The following MEGF6 variants were observed in gnomAD, a reference collection of about 807,000 sequenced individuals.
MEGF6 encodes the protein multiple epidermal growth factor-like domains protein 6.
In MEGF6, 184 loss-of-function variants were observed where a neutral mutation model predicts 207.1. The observed-to-expected ratio is 0.89, with a 90% CI of 0.79 to 1.00. The LOEUF is 1.00. Ranked by LOEUF, MEGF6 falls within the 50% of genes least tolerant of loss-of-function variation. MEGF6 has a pLI of 0.00. For synonymous variants in MEGF6, 1,038 were observed against 910.0 expected (o/e 1.14, Z -2.53); for missense variants, 2,282 against 2,202.9 (o/e 1.04, Z -0.72).
At chr1:3,550,294 G>A (rs1642842696) in intron 4 of MEGF6, among the ~76,000 whole-genome samples, 1 of 152,210 alleles carries the variant, frequency 6.6e-6, no homozygotes, top group South Asian at 2.1e-4. Flanking sequence ...ACCAGCGGGT[G>A]ATGAAGACAG....
At chr1:3,619,872 T>G in the MEGF6 span, among the ~76,000 whole-genome samples, 6 of 152,100 alleles carry the variant, frequency 3.9e-5, no homozygotes, top group Admixed American at 3.9e-4. Context: ...TTGGAACAGT[T>G]TGGAGGGCTC....
chr1:3,490,642 A>T, intron 36 of MEGF6, 53 bp from the exon 37 acceptor site: 1 of 1,587,668 alleles, frequency 6.3e-7, no homozygotes, highest in South Asian at 1.1e-5. Flanking sequence ...GTGCTCCCAG[A>T]ACAGACTGGG....
At chr1:3,597,096 C>T (rs1644080068) in intron 2 of MEGF6, among the ~76,000 whole-genome samples, 2 of 152,268 alleles carry the variant, frequency 1.3e-5, no homozygotes, top group Admixed American at 6.5e-5. Context: ...ACTCATTGCC[C>T]TGCAGCCACC....
chr1:3,537,470 G>A (rs1054739386), intron 4 of MEGF6, among the ~76,000 whole-genome samples: 3 of 152,212 alleles, frequency 2.0e-5, no homozygotes, highest in South Asian at 2.1e-4. Flanking sequence ...GATCACCACC[G>A]CCCACAACTA....
chr1:3,538,313 T>C (rs934192714), intron 4 of MEGF6, among the ~76,000 whole-genome samples: 1 of 149,654 alleles, frequency 6.7e-6, no homozygotes, highest in African/African-American at 2.5e-5. Flanking sequence ...AGAGCTTCTA[T>C]CAGGAGCAGG....
intron 4 of MEGF6, among the ~76,000 whole-genome samples, chr1:3,541,785 G>A (rs990841127): frequency 6.6e-6 from 1 of 152,088 alleles, no homozygotes; most frequent in Non-Finnish European, 1.5e-5. Flanking sequence ...GGGTGGGAAG[G>A]GCAGAGCGAC....
chr1:3,499,473 A>G, intron 23 of MEGF6, 115 bp downstream of exon 23: 1 of 1,474,722 alleles, frequency 6.8e-7, no homozygotes, highest in Non-Finnish European at 9.1e-7. Flanking sequence ...CATCACTCTC[A>G]GGGGGGTTGC....
chr1:3,515,418 GTCC>G lies in MEGF6; in HGVS notation c.711_713del (p.Glu237del), dbSNP rs1641506622. Reference sequence around the variant, plus strand: ...AGCACTCACGGACACAATGCCTGCCGTCCTCCTGGAGCTGGAACCCGGGCCGGC... The same window carrying G: ...AGCACTCACGGACACAATGCCTGCCGTCCTGGAGCTGGAACCCGGGCCGGC... On this transcript the variant is annotated inframe_deletion, in exon 6 of 37. Transcript: ENST00000356575. The G allele has an allele frequency of 6.2e-7, 1 of 1,611,948 alleles. No homozygotes were observed.
intron 4 of MEGF6, among the ~76,000 whole-genome samples, chr1:3,547,985 C>T: frequency 6.6e-6 from 1 of 152,142 alleles, no homozygotes; most frequent in African/African-American, 2.4e-5. Context: ...CCTCTGCCCA[C>T]CCACCCCTGC....
At chr1:3,510,685 T>C in intron 10 of MEGF6, 98 bp downstream of exon 10, 1 of 1,460,008 alleles carries the variant, frequency 6.8e-7, no homozygotes, top group Non-Finnish European at 9.1e-7. Flanking sequence ...GCCGACCCCA[T>C]GCCCACCATG....
At chr1:3,500,061 T>C in intron 21 of MEGF6, 137 bp from the exon 22 acceptor site, 9 of 1,307,988 alleles carry the variant, frequency 6.9e-6, no homozygotes, top group Non-Finnish European at 9.2e-6. Context: ...CAAGGGAGAC[T>C]GGGCTCACTC....
intron 7 of MEGF6, 70 bp downstream of exon 7, chr1:3,514,480 G>C (rs770330001): frequency 7.4e-6 from 11 of 1,496,582 alleles, no homozygotes. Context: ...AGTTAGACAC[G>C]GGTCCCTCCA....
chr1:3,599,382 C>T (rs1644123658), intron 2 of MEGF6, among the ~76,000 whole-genome samples: 1 of 152,244 alleles, frequency 6.6e-6, no homozygotes, highest in African/African-American at 2.4e-5. Flanking sequence ...CAGCTGCTGC[C>T]TCTCGCCCTC....
rs1643564554 is a variant in MEGF6 at position 3,573,415 on chromosome 1, A to G, written c.481+6410T>C. ...TTCTGCTTGGCTGCACCCAAAGGTA[A>G]GCACGGGAAACAGTGCGGGGAGCCT... is the stretch of plus-strand genomic sequence containing the variant. On this transcript the variant is annotated intron_variant, in intron 4 of 36. Transcript: ENST00000356575. This position sits in a 1 kb window ranked among gnomAD's most constrained non-coding sequence, Gnocchi z 5.1. Among the ~76,000 whole-genome samples the G allele has an allele frequency of 6.6e-6, 1 of 152,214 alleles. No individual in the cohort carries two copies. Among genetic ancestry groups the G allele is most frequent in the Non-Finnish European group, 1.5e-5 (1 of 68,028 alleles).
At chr1:3,500,813 G>A (rs530975560) in intron 20 of MEGF6, 49 bp from the exon 21 acceptor site, 116 of 1,595,154 alleles carry the variant, frequency 7.3e-5, no homozygotes, top group Admixed American at 1.0e-4. Context: ...CGCGGGCCAC[G>A]GGCACCACAG....
intron 12 of MEGF6, 36 bp downstream of exon 12, chr1:3,509,039 C>A (rs762450518): frequency 2.0e-6 from 3 of 1,494,080 alleles, no homozygotes; most frequent in Non-Finnish European, 2.7e-6. Flanking sequence ...GCTGGCCCTG[C>A]GAGCAGGAGC....
rs183111353 is a variant in MEGF6, at chr1:3,532,591, A to C, written c.482-8345T>G. On this transcript the variant is annotated intron_variant, in intron 4 of 36. Transcript: ENST00000356575. Reference sequence around the variant, plus strand: ...TGCAGTGGAAGTGTCCCTGGAGCTCAGCCTGTTCCCAGAGATGCAGCCTGT... The same window carrying C: ...TGCAGTGGAAGTGTCCCTGGAGCTCCGCCTGTTCCCAGAGATGCAGCCTGT... Among the ~76,000 whole-genome samples, 3 of 152,352 alleles carry C rather than the reference A, an allele frequency of 2.0e-5. 1 individual carries two copies. The East Asian group carries it at 5.8e-4, about 29-fold the overall frequency.
chr1:3,571,392 G>A (rs1400495374), intron 4 of MEGF6, among the ~76,000 whole-genome samples: 2 of 152,086 alleles, frequency 1.3e-5, no homozygotes, highest in Non-Finnish European at 2.9e-5. Flanking sequence ...CGAGACCAAG[G>A]CCAGCCTGCC....
At chr1:3,502,089 C>CA (rs1557724682) in intron 17 of MEGF6, among the ~76,000 whole-genome samples, 168 bp from the exon 18 acceptor site, 2 of 52,832 alleles carry the variant, frequency 3.8e-5, no homozygotes, top group African/African-American at 6.7e-5. Context: ...GTGTGCCCCC[C>CA]CGCGCCTCCT....
Sources: gnomAD v4.1 joint callset for allele counts (sites outside exome capture counted in the v4.1 genomes callset) on GRCh38, gnomAD v4.1.1 for gene constraint, Gnocchi (gnomAD v3.1) non-coding constraint, MANE v1.5 for transcripts, NCBI Gene and HGNC (gene_info 2026-07-23, HGNC 2026-07-21) for gene names.